Variants in BRCA1 observed in about 807,000 individuals in gnomAD.
The protein encoded by BRCA1 is breast cancer type 1 susceptibility protein.
A neutral mutation model predicts 173.7 loss-of-function variants in BRCA1; 140 were observed. The observed-to-expected ratio is 0.81, with a 90% CI of 0.70 to 0.93. The LOEUF (loss-of-function observed/expected upper bound fraction) is 0.93. Among genes scored for constraint, BRCA1 ranks in the 40% least tolerant of loss-of-function variants. The probability of loss-of-function intolerance (pLI) is 0.00; values close to 1 mark genes in which losing one functional copy is unlikely to be tolerated. For synonymous variants in BRCA1, 662 were observed against 756.0 expected (o/e 0.88, Z 2.04); for missense variants, 1,983 against 2,172.5 (o/e 0.91, Z 1.73).
intron 16 of BRCA1, 36 bp from the exon 17 acceptor site, chr17:43,063,987 GA>G (rs779688885): frequency 1.3e-6 from 2 of 1,597,170 alleles, no homozygotes; most frequent in South Asian, 2.2e-5. Flanking sequence ...ATTAGAAGTT[GA>G]AAACAAAATC....
chr17:43,114,756 G>C (rs2055186795), intron 3 of BRCA1, among the ~76,000 whole-genome samples: 1 of 151,982 alleles, frequency 6.6e-6, no homozygotes, highest in African/African-American at 2.4e-5. Context: ...ACCAGGTTAT[G>C]TACCAGGTAC....
intron 16 of BRCA1, 187 bp downstream of exon 16, chr17:43,067,421 A>G (rs1359877743): frequency 4.1e-6 from 2 of 492,978 alleles, no homozygotes; most frequent in Non-Finnish European, 7.4e-6. Flanking sequence ...CACCCAGCTA[A>G]TTTTTTTATT....
chr17:43,150,761 TA>T (rs1423030450), intron 1 of BRCA1, among the ~76,000 whole-genome samples: 3 of 152,098 alleles, frequency 2.0e-5, no homozygotes, highest in Non-Finnish European at 4.4e-5. Flanking sequence ...TTTGGGGATC[TA>T]AAAATTTTGC....
chr17:43,141,647 T>C (rs1018232470), intron 1 of BRCA1, among the ~76,000 whole-genome samples: 3 of 151,072 alleles, frequency 2.0e-5, no homozygotes, highest in African/African-American at 4.9e-5. Context: ...ACCCCATCTC[T>C]ACTAAAAACA....
intron 20 of BRCA1, among the ~76,000 whole-genome samples, chr17:43,050,404 C>G (rs973703393): frequency 2.0e-5 from 3 of 151,462 alleles, no homozygotes; most frequent in African/African-American, 4.9e-5. Flanking sequence ...GTCAGGAGAT[C>G]GGGACCATAT....
intron 1 of BRCA1, among the ~76,000 whole-genome samples, chr17:43,147,186 G>A (rs1241694057): frequency 1.3e-5 from 2 of 151,920 alleles, no homozygotes; most frequent in African/African-American, 4.8e-5. Flanking sequence ...TTTTAGTAGC[G>A]ACGGGGTTTC....
At chr17:43,134,412 C>T (rs190294060) in intron 1 of BRCA1, among the ~76,000 whole-genome samples, 1 of 152,064 alleles carries the variant, frequency 6.6e-6, no homozygotes, top group African/African-American at 2.4e-5. Flanking sequence ...AAGAGATTAC[C>T]GAGGGGTTCC....
intron 19 of BRCA1, among the ~76,000 whole-genome samples, chr17:43,055,065 TG>T (rs910678092): frequency 1.6e-4 from 24 of 152,130 alleles, no homozygotes; most frequent in African/African-American, 4.6e-4. Context: ...TGTTCTGAAA[TG>T]CCTGGTAGTG....
At chr17:43,058,019 C>CA (rs68106056) in intron 18 of BRCA1, among the ~76,000 whole-genome samples, 18,297 of 34,380 alleles carry the variant, frequency 0.53, 5,498 homozygotes, top group African/African-American at 0.69. Context: ...AACTCTGTCT[C>CA]AAAAAAAAAA....
chr17:43,109,933 C>T (rs955165246), intron 3 of BRCA1, among the ~76,000 whole-genome samples: 1 of 150,558 alleles, frequency 6.6e-6, no homozygotes, highest in Non-Finnish European at 1.5e-5. Flanking sequence ...CTCGCTCTGT[C>T]TCTCAGGCTG....
At chr17:43,158,834 A>G (rs996130894) in intron 1 of BRCA1, among the ~76,000 whole-genome samples, 1 of 152,216 alleles carries the variant, frequency 6.6e-6, no homozygotes, top group Non-Finnish European at 1.5e-5. Context: ...TCAGCTAGTA[A>G]TAAGTGTTAT....
intron 7 of BRCA1, 67 bp downstream of exon 7, chr17:43,099,708 T>C: frequency 7.3e-7 from 1 of 1,365,890 alleles, no homozygotes; most frequent in Non-Finnish European, 1.0e-6. Flanking sequence ...CCAAGATTTT[T>C]GGCAAAACTA....
chr17:43,095,272 C>T (rs550622250), intron 9 of BRCA1, among the ~76,000 whole-genome samples: 15 of 152,140 alleles, frequency 9.9e-5, no homozygotes, highest in Admixed American at 2.0e-4. Flanking sequence ...AGATGAAACA[C>T]AAATACACCA....
At chr17:43,150,771 G>A (rs2056155664) in intron 1 of BRCA1, among the ~76,000 whole-genome samples, 1 of 152,048 alleles carries the variant, frequency 6.6e-6, no homozygotes, top group South Asian at 2.1e-4. Context: ...TAAAAATTTT[G>A]CAGCTTGGAA....
At chr17:43,111,996 T>G (rs1180285805) in intron 3 of BRCA1, among the ~76,000 whole-genome samples, 1 of 152,230 alleles carries the variant, frequency 6.6e-6, no homozygotes, top group Admixed American at 6.5e-5. Context: ...GGCTCCCAGC[T>G]TTCTCATCAT....
chr17:43,129,786 T>TA (rs2055950545), upstream of BRCA1, among the ~76,000 whole-genome samples: 1 of 152,164 alleles, frequency 6.6e-6, no homozygotes, highest in African/African-American at 2.4e-5. Flanking sequence ...AAGTGTTTCT[T>TA]AAAGTTGGAA....
chr17:43,082,574 T>G lies in BRCA1; in HGVS notation c.4187A>C (p.Gln1396Pro), dbSNP rs750344093. ...SSQSDILTTQ[Q>P]RDTMQHNLIK... ...CAGGTTATGTTGCATGGTATCCCTC[T>G]GCTTCAAAAACGATAAATGGCACCA... The change falls in exon 12 of 23, where the codon CAG becomes CCG. Residue 1396 changes from glutamine to proline, a missense_variant and splice_region_variant. Gln to Pro is a moderately conservative substitution (Grantham distance 76). Transcript: ENST00000357654. The G allele has an allele frequency of 6.2e-7, 1 of 1,614,014 alleles. No individual in the cohort carries two copies. The highest frequency in any genetic ancestry group is 1.3e-5 in the African/African-American group (1 of 74,924).
chr17:43,048,360 G>A (rs2051029031), intron 21 of BRCA1, among the ~76,000 whole-genome samples: 1 of 151,940 alleles, frequency 6.6e-6, no homozygotes, highest in South Asian at 2.1e-4. Context: ...GCGCCCCTAC[G>A]CCCAGCTAAT....
chr17:43,113,559 G>A (rs1016702275), intron 3 of BRCA1, among the ~76,000 whole-genome samples: 2 of 152,004 alleles, frequency 1.3e-5, no homozygotes, highest in Admixed American at 6.6e-5. Context: ...AGTAGAGACA[G>A]TGTTTCGCCA....
Sources: gnomAD v4.1 joint callset for allele counts (sites outside exome capture counted in the v4.1 genomes callset) on GRCh38, gnomAD v4.1.1 for gene constraint, MANE v1.5 for transcripts, NCBI Gene and HGNC (gene_info 2026-07-23, HGNC 2026-07-21) for gene names.